The following CUX2 variants were observed in gnomAD, a reference collection of about 807,000 sequenced individuals.
CUX2 encodes the protein homeobox protein cut-like 2.
Under a neutral mutation model 144.8 loss-of-function variants are expected in CUX2, and 40 were observed. That is an observed-to-expected ratio of 0.28 (90% CI 0.21 to 0.36). The LOEUF is 0.36. Ranked by LOEUF, CUX2 falls within the 10% of genes least tolerant of loss-of-function variation. The pLI, the probability that CUX2 is intolerant of heterozygous loss-of-function variation, is 1.00. For missense variants in CUX2, 1,615 were observed against 1,994.0 expected (o/e 0.81, Z 3.62); for synonymous variants, 827 against 875.6 (o/e 0.94, Z 0.98).
At chr12:111,111,129 C>T (rs1203572554) in intron 1 of CUX2, among the ~76,000 whole-genome samples, 1 of 152,152 alleles carries the variant, frequency 6.6e-6, no homozygotes, top group Non-Finnish European at 1.5e-5. Flanking sequence ...TGGTGAAACC[C>T]CATCTCTACT....
At chr12:111,158,244 G>C (rs1335863326) in intron 1 of CUX2, among the ~76,000 whole-genome samples, 1 of 152,118 alleles carries the variant, frequency 6.6e-6, no homozygotes, top group Middle Eastern at 3.2e-3. Flanking sequence ...GGTGTGGAGA[G>C]CAAATAGCAA....
intron 1 of CUX2, among the ~76,000 whole-genome samples, chr12:111,091,813 G>A (rs1345273149): frequency 6.6e-6 from 1 of 152,170 alleles, no homozygotes. Flanking sequence ...GGTATTCCCT[G>A]GCTTGTGGCC....
intron 3 of CUX2, among the ~76,000 whole-genome samples, chr12:111,232,597 G>A (rs1023950398): frequency 2.6e-5 from 4 of 152,140 alleles, no homozygotes; most frequent in Non-Finnish European, 5.9e-5. Flanking sequence ...TTTGAGCATC[G>A]GAGGATTTTG....
intron 7 of CUX2, among the ~76,000 whole-genome samples, chr12:111,296,126 A>G (rs1450287617): frequency 6.6e-6 from 1 of 152,022 alleles, no homozygotes; most frequent in East Asian, 1.9e-4. Context: ...AAATGACTTA[A>G]GGGTGTTGGG....
At chr12:111,113,039 A>T (rs1459896452) in intron 1 of CUX2, among the ~76,000 whole-genome samples, 2 of 152,220 alleles carry the variant, frequency 1.3e-5, no homozygotes, top group Non-Finnish European at 2.9e-5. Flanking sequence ...GGAGGAAAGC[A>T]TAGGAGCTTG....
At chr12:111,047,136 C>T (rs1049926912) in intron 1 of CUX2, among the ~76,000 whole-genome samples, 2 of 152,222 alleles carry the variant, frequency 1.3e-5, no homozygotes, top group Non-Finnish European at 2.9e-5. Flanking sequence ...CCCCGGCCCC[C>T]GCTGGGTCCC....
chr12:111,149,513 C>A lies in CUX2; in HGVS notation c.64-64687C>A, dbSNP rs544049825. On this transcript the variant is annotated intron_variant, in intron 1 of 21. Transcript: ENST00000261726. ...TAGATGCCAGTAGCACACCGCCCCC[C>A]ACAATCCCAAAGTGAAATGACCAAA... is the stretch of plus-strand genomic sequence containing the variant. 8.5e-5 allele frequency among the ~76,000 whole-genome samples: 13 copies of A among 152,256 alleles called. No individual in the cohort carries two copies. In the East Asian group the frequency reaches 9.6e-4, roughly 11 times the overall value.
At chr12:111,318,749 A>G (rs1233765374) in intron 16 of CUX2, among the ~76,000 whole-genome samples, 1 of 151,736 alleles carries the variant, frequency 6.6e-6, no homozygotes, top group Non-Finnish European at 1.5e-5. Flanking sequence ...ATCTTGGTTC[A>G]CTGCAGCCTC....
intron 1 of CUX2, among the ~76,000 whole-genome samples, chr12:111,170,441 G>GAAAAA (rs66614071): frequency 7.1e-6 from 1 of 140,224 alleles, no homozygotes; most frequent in African/African-American, 2.7e-5. Flanking sequence ...AAGAAAGAAA[G>GAAAAA]AAAAAAAAAA....
intron 18 of CUX2, among the ~76,000 whole-genome samples, chr12:111,330,467 C>T (rs1033794496): frequency 6.6e-6 from 1 of 151,590 alleles, no homozygotes; most frequent in African/African-American, 2.4e-5. Flanking sequence ...CCTCTCTGAA[C>T]CTCGGTTTCC....
chr12:111,231,831 G>T (rs1249006671), intron 3 of CUX2, among the ~76,000 whole-genome samples: 1 of 152,158 alleles, frequency 6.6e-6, no homozygotes, highest in Non-Finnish European at 1.5e-5. Context: ...GGAGGGGCCA[G>T]GTGCAGTGGC....
chr12:111,299,176 G>T (rs1886161833), intron 9 of CUX2, among the ~76,000 whole-genome samples: 1 of 152,254 alleles, frequency 6.6e-6, no homozygotes, highest in Non-Finnish European at 1.5e-5. Flanking sequence ...TGAGCCCTCT[G>T]TCCCTTGGCT....
intron 1 of CUX2, among the ~76,000 whole-genome samples, chr12:111,140,560 AT>A (rs1876244919): frequency 6.6e-6 from 1 of 152,154 alleles, no homozygotes; most frequent in Non-Finnish European, 1.5e-5. Flanking sequence ...CCTCTTTTAT[AT>A]TAATAGGTTT....
chr12:111,338,812 G>A (rs1476935080), intron 20 of CUX2, among the ~76,000 whole-genome samples: 1 of 151,852 alleles, frequency 6.6e-6, no homozygotes, highest in African/African-American at 2.4e-5. Context: ...CAGGAGGATC[G>A]TTCAAGGCTG....
At chr12:111,142,120 A>G (rs746209571) in intron 1 of CUX2, among the ~76,000 whole-genome samples, 34 of 152,214 alleles carry the variant, frequency 2.2e-4, no homozygotes, top group Non-Finnish European at 2.5e-4. Context: ...GGGCAGGGCA[A>G]TGGAATATAG....
At chr12:111,318,666 C>G (rs1222893524) in intron 16 of CUX2, among the ~76,000 whole-genome samples, 3 of 151,538 alleles carry the variant, frequency 2.0e-5, no homozygotes, top group Non-Finnish European at 4.4e-5. Flanking sequence ...GCATAGTGTT[C>G]CATTGTGTGA....
chr12:111,300,002 C>A (rs1024461139), intron 9 of CUX2, among the ~76,000 whole-genome samples: 11 of 152,368 alleles, frequency 7.2e-5, no homozygotes, highest in Admixed American at 2.0e-4. Flanking sequence ...CCTCAGCCTC[C>A]CAGGTAGCCA....
chr12:111,327,672 G>T (rs978067567), intron 18 of CUX2, among the ~76,000 whole-genome samples: 1 of 152,166 alleles, frequency 6.6e-6, no homozygotes, highest in African/African-American at 2.4e-5. Flanking sequence ...CCTTGTGGAA[G>T]GAATGGCACA....
intron 1 of CUX2, among the ~76,000 whole-genome samples, chr12:111,097,011 G>C (rs1872857493): frequency 6.6e-6 from 1 of 152,128 alleles, no homozygotes; most frequent in Non-Finnish European, 1.5e-5. Flanking sequence ...TTGGGAGGCA[G>C]CTAAGATCTT....
Sources: allele counts gnomAD v4.1 joint callset (sites outside exome capture counted in the v4.1 genomes callset), GRCh38; gene constraint gnomAD v4.1.1; transcripts MANE v1.5; gene names NCBI Gene and HGNC (gene_info 2026-07-23, HGNC 2026-07-21).